NTM: variants seen among roughly 807,000 people sequenced by gnomAD.
NTM encodes the protein neurotrimin.
A neutral mutation model predicts 42.1 loss-of-function variants in NTM; 13 were observed. That is an observed-to-expected ratio of 0.31 (90% confidence interval 0.20 to 0.49). NTM has a LOEUF of 0.49. Ranked by LOEUF, NTM falls within the 20% of genes least tolerant of loss-of-function variation. The pLI is 0.99. For missense variants in NTM, 373 were observed against 452.8 expected, an observed-to-expected ratio of 0.82 and a Z score of 1.60; for synonymous variants, 187 against 179.2, an observed-to-expected ratio of 1.04 and a Z score of -0.35.
chr11:131,509,149 C>T (rs972215837), intron 1 of NTM, among the ~76,000 whole-genome samples: 1 of 152,126 alleles, frequency 6.6e-6, no homozygotes, highest in African/African-American at 2.4e-5. Flanking sequence ...TCAAATCTTC[C>T]AGGAGGATGC....
intron 1 of NTM, among the ~76,000 whole-genome samples, chr11:131,724,449 T>C (rs1480779143): frequency 2.0e-5 from 3 of 152,128 alleles, no homozygotes. Context: ...CAGCCTCAAG[T>C]CATGTACACA....
At chr11:131,933,885 G>C (rs1465534943) in intron 2 of NTM, among the ~76,000 whole-genome samples, 1 of 151,890 alleles carries the variant, frequency 6.6e-6, no homozygotes, top group East Asian at 1.9e-4. Context: ...TTTTTCTGGG[G>C]GGGGATGTTG....
chr11:132,112,466 T>G (rs187243420), intron 2 of NTM, among the ~76,000 whole-genome samples: 1 of 152,136 alleles, frequency 6.6e-6, no homozygotes, highest in Non-Finnish European at 1.5e-5. Flanking sequence ...TTTCTCTGAT[T>G]TGATAGAGAA....
At chr11:132,128,777 A>T (rs1320769119) in intron 2 of NTM, among the ~76,000 whole-genome samples, 2 of 151,646 alleles carry the variant, frequency 1.3e-5, no homozygotes, top group African/African-American at 4.8e-5. Context: ...AAAATAAAAA[A>T]ATAAAATAAA....
intron 2 of NTM, among the ~76,000 whole-genome samples, chr11:131,932,376 C>T (rs957712742): frequency 1.3e-5 from 2 of 152,126 alleles, no homozygotes; most frequent in African/African-American, 2.4e-5. Context: ...CAAAAACATG[C>T]ATTATTTTGA....
At chr11:132,059,533 AG>A (rs1320189435) in intron 2 of NTM, among the ~76,000 whole-genome samples, 6 of 152,192 alleles carry the variant, frequency 3.9e-5, no homozygotes, top group Non-Finnish European at 8.8e-5. Flanking sequence ...TGACTTTCCC[AG>A]TAAGTGTGTG....
At chr11:132,017,066 A>G (rs2073545041) in intron 2 of NTM, among the ~76,000 whole-genome samples, 2 of 152,092 alleles carry the variant, frequency 1.3e-5, no homozygotes, top group Middle Eastern at 6.8e-3. Context: ...ATTTGCAAAT[A>G]TATTTTCCCA....
At chr11:132,204,372 A>G (rs2138526303) in intron 3 of NTM, among the ~76,000 whole-genome samples, 1 of 152,336 alleles carries the variant, frequency 6.6e-6, no homozygotes, top group Middle Eastern at 3.4e-3. Flanking sequence ...AAAATTGTTG[A>G]ACACAAACGA....
intron 1 of NTM, among the ~76,000 whole-genome samples, chr11:131,885,017 G>A (rs2050161902): frequency 6.6e-6 from 1 of 152,176 alleles, no homozygotes; most frequent in Non-Finnish European, 1.5e-5. Context: ...CTGATGCTGA[G>A]ACCCACGGTT....
At chr11:131,930,741 A>G (rs1432801600) in intron 2 of NTM, among the ~76,000 whole-genome samples, 2 of 152,204 alleles carry the variant, frequency 1.3e-5, no homozygotes, top group Non-Finnish European at 1.5e-5. Flanking sequence ...ATTCTCAAAC[A>G]ACATATTGTC....
At chr11:131,867,628 CTG>C (rs1284216149) in intron 1 of NTM, among the ~76,000 whole-genome samples, 1 of 151,272 alleles carries the variant, frequency 6.6e-6, no homozygotes, top group African/African-American at 2.4e-5. Context: ...ATGTGTGTGT[CTG>C]TGTTTATGTC....
Position 131,469,112 on chromosome 11 carries a change from C to T in NTM, c.82+98224C>T, listed in dbSNP as rs533976098. Among the ~76,000 whole-genome samples the T allele has an allele frequency of 1.1e-4, 17 of 152,312 alleles. 1 individual carries two copies. The South Asian group carries it at 1.9e-3, about 17-fold the overall frequency. On this transcript the variant is annotated intron_variant, in intron 1 of 8. Coordinates refer to ENST00000683400, the MANE Select transcript of NTM (RefSeq NM_001352005.2). ...TGCTCTCTGTTGCAAATCCAAGCTC[C>T]GTTTCATCCTTTCCCTGGGTTTCCC...
At chr11:131,851,321 C>T (rs9787811) in intron 1 of NTM, among the ~76,000 whole-genome samples, 108,154 of 151,602 alleles carry the variant, frequency 0.71, 38,732 homozygotes, top group Admixed American at 0.75. Context: ...AGTCCAGCAC[C>T]GGCATTTCAG....
At chr11:131,598,851 TCC>T (rs1417183243) in intron 1 of NTM, among the ~76,000 whole-genome samples, 1,654 of 67,426 alleles carry the variant, frequency 0.025, 221 homozygotes, top group African/African-American at 0.077. Context: ...CTTTCTTTCT[TCC>T]TTCCTTCCTT....
At chr11:132,062,876 C>T (rs558324661) in intron 2 of NTM, among the ~76,000 whole-genome samples, 200 of 152,172 alleles carry the variant, frequency 1.3e-3, no homozygotes, top group African/African-American at 4.6e-3. Context: ...CCAGGGTTCT[C>T]AGTCTCTTGT....
chr11:132,242,705 C>T (rs1046912858), intron 4 of NTM, among the ~76,000 whole-genome samples: 1 of 152,210 alleles, frequency 6.6e-6, no homozygotes, highest in African/African-American at 2.4e-5. Context: ...CAAATTAAAA[C>T]CTTTTATCAG....
At chr11:132,333,061 C>T (rs2095830718) in intron 8 of NTM, among the ~76,000 whole-genome samples, 1 of 152,166 alleles carries the variant, frequency 6.6e-6, no homozygotes, top group Admixed American at 6.5e-5. Context: ...AGTGTGCTGA[C>T]AGCTGTGTCC....
At chr11:132,310,074 AG>A in intron 5 of NTM, 37 bp from the exon 6 acceptor site, 2 of 1,504,904 alleles carry the variant, frequency 1.3e-6, no homozygotes, top group Non-Finnish European at 8.9e-7. Context: ...AAAAAAAAAA[AG>A]GTGGGGGGGC....
chr11:132,180,238 G>A (rs1177937079), intron 3 of NTM, among the ~76,000 whole-genome samples: 3 of 152,060 alleles, frequency 2.0e-5, no homozygotes, highest in Non-Finnish European at 4.4e-5. Context: ...TCTTCAGAGA[G>A]GATGAAATAA....
Sources: gnomAD v4.1 joint callset for allele counts (sites outside exome capture counted in the v4.1 genomes callset) on GRCh38, gnomAD v4.1.1 for gene constraint, MANE v1.5 for transcripts, NCBI Gene and HGNC (gene_info 2026-07-23, HGNC 2026-07-21) for gene names.